Variants in ZNF557 observed in about 807,000 individuals in gnomAD.
ZNF557 encodes the protein CTB-25J19.9.
In ZNF557, 19 loss-of-function variants were observed where a neutral mutation model predicts 21.2. The observed-to-expected ratio is 0.90, with a 90% confidence interval of 0.63 to 1.32. The LOEUF is 1.32. ZNF557 is among the 40% of genes most tolerant of loss of function. ZNF557 has a pLI of 0.00. For missense variants in ZNF557, 487 were observed against 519.8 expected (o/e 0.94, Z 0.61); for synonymous variants, 207 against 194.8 (o/e 1.06, Z -0.52).
At position 7,083,807 on chromosome 19, in the gene ZNF557, C is replaced by CT. The variant is rs1231092433; in HGVS notation, c.*64dup. The CT allele has an allele frequency of 1.2e-5, 19 of 1,524,286 alleles. No homozygotes were observed. The highest frequency in any genetic ancestry group is 5.3e-5 in the South Asian group (4 of 75,526). The allele number at this position is 1,524,286 out of a possible 1,614,324, so 94.4% of individuals were successfully genotyped here. ...ATGCCTCAGATAACATGAGCAAACT[C>CT]TAACAAGATGTATGAATCACCTGCT... On this transcript the variant is annotated 3_prime_UTR_variant, in exon 8 of 8. Coordinates refer to ENST00000252840, the MANE Select transcript of ZNF557 (RefSeq NM_024341.3).
intron 5 of ZNF557, among the ~76,000 whole-genome samples, 184 bp from the exon 6 acceptor site, chr19:7,081,150 GGTGTGTGTGTGTGTGTGTGTGTGTGT>G (rs531191945): frequency 7.2e-5 from 10 of 139,102 alleles, no homozygotes; most frequent in South Asian, 2.4e-4. Flanking sequence ...TTGCTTGTGG[GGTGTGTGTGTGTGTGTGTGTGTGTGT>G]GTGTGTGTGT....
At chr19:7,075,851 T>C (rs959002639) in intron 4 of ZNF557, 108 bp downstream of exon 4, 3 of 1,522,892 alleles carry the variant, frequency 2.0e-6, no homozygotes, top group Non-Finnish European at 8.9e-7. Flanking sequence ...TCCTCAGGCA[T>C]CCCAGGGTCT....
At chr19:7,077,985 T>C (rs141199817) in intron 5 of ZNF557, among the ~76,000 whole-genome samples, 28 of 152,194 alleles carry the variant, frequency 1.8e-4, no homozygotes, top group African/African-American at 6.0e-4. Flanking sequence ...CTTTTTCCAT[T>C]TGGGGGGCAT....
At chr19:7,069,979 G>T (rs1380807760) in intron 1 of ZNF557, among the ~76,000 whole-genome samples, 1 of 152,232 alleles carries the variant, frequency 6.6e-6, no homozygotes, top group Non-Finnish European at 1.5e-5. Context: ...CGCCCCAGGG[G>T]ACTTTTGGCT....
chr19:7,079,439 A>G (rs977244956), intron 5 of ZNF557, among the ~76,000 whole-genome samples: 130 of 118,194 alleles, frequency 1.1e-3, no homozygotes, highest in Admixed American at 2.9e-3. Flanking sequence ...GACAGGGTTC[A>G]CCGTGTTAGC....
chr19:7,080,487 A>G (rs953999864), intron 5 of ZNF557, among the ~76,000 whole-genome samples: 20 of 152,152 alleles, frequency 1.3e-4, no homozygotes, highest in Non-Finnish European at 2.4e-4. Flanking sequence ...TCCAGCTTCC[A>G]TAGGTGTAGC....
At chr19:7,073,880 C>G (rs555588657) in intron 2 of ZNF557, among the ~76,000 whole-genome samples, 3 of 152,252 alleles carry the variant, frequency 2.0e-5, no homozygotes, top group African/African-American at 7.2e-5. Context: ...CCATGAATAG[C>G]CAGCACCGTC....
rs763524851 is a variant in ZNF557 at position 7,083,556 on chromosome 19, A to T, written c.1105A>T (p.Ile369Leu). ...NSFSLTIHRR[I>L]HNGEKSYECS... ...CTTTTCTCTTACAATTCACAGGAGA[A>T]TACATAATGGAGAGAAATCCTATGA... Residue 369 changes from isoleucine to leucine, a missense_variant, in exon 8 of 8, where the codon ATA becomes TTA. Physicochemically the swap from Ile to Leu is conservative, Grantham distance 5. Coordinates refer to ENST00000252840, the MANE Select transcript of ZNF557 (RefSeq NM_024341.3). 6.2e-7 allele frequency: 1 copy of T among 1,614,230 alleles called. No homozygotes were observed. Among genetic ancestry groups the T allele is most frequent in the African/African-American group, 1.3e-5 (1 of 75,068 alleles).
intron 2 of ZNF557, among the ~76,000 whole-genome samples, chr19:7,072,883 T>G (rs572737464): frequency 6.8e-4 from 104 of 152,210 alleles, no homozygotes; most frequent in African/African-American, 2.4e-3. Flanking sequence ...AGCACCCAGC[T>G]GGGGGCAGGT....
chr19:7,082,440 A>AAAAAAAG (rs1977731730), intron 7 of ZNF557, among the ~76,000 whole-genome samples: 1 of 150,686 alleles, frequency 6.6e-6, no homozygotes. Flanking sequence ...AAAAAAAAAA[A>AAAAAAAG]GTGGCTTTAT....
In ZNF557 at chr19:7,083,388, A is replaced by G. The variant is rs752387515; in HGVS notation, c.937A>G (p.Ile313Val). ...GTCATCTCTTTCTTCGCACTATAGC[A>G]TTCATACAGGGGAGTACCCTTACGA... ...TRSSLSSHYS[I>V]HTGEYPYECH... The change falls in exon 8 of 8, where the codon ATT becomes GTT. Residue 313 changes from isoleucine to valine, a missense_variant. Transcript: ENST00000252840. The G allele has an allele frequency of 2.5e-6, 4 of 1,614,108 alleles. No individual in the cohort carries two copies. The highest frequency in any genetic ancestry group is 1.7e-5 in the Admixed American group (1 of 60,000).
At position 7,081,985 on chromosome 19, in the gene ZNF557, T is replaced by C; in HGVS notation, c.359T>C (p.Phe120Ser). Residue 120 changes from phenylalanine to serine, a missense_variant, in exon 7 of 8, where the codon TTT becomes TCT. By Grantham distance (155) the Phe-to-Ser change is radical. Transcript: ENST00000252840. ...CTTGTTTCAGATGTGGAGAATCCAT[T>C]TAAAGCCAAAGGGTTAACTCCTAAG... ...SGTCPDVENP[F>S]KAKGLTPKLH... 1 of 1,613,888 alleles carries C rather than the reference T, an allele frequency of 6.2e-7. No homozygotes were observed. The highest frequency in any genetic ancestry group is 8.5e-7 in the Non-Finnish European group (1 of 1,179,806).
In ZNF557 at chr19:7,083,134, G is replaced by C. The variant is rs1350886985; in HGVS notation, c.683G>C (p.Arg228Thr). 1 of 1,614,198 alleles carries C rather than the reference G, an allele frequency of 6.2e-7. No homozygotes were observed. The highest frequency in any genetic ancestry group is 8.5e-7 in the Non-Finnish European group (1 of 1,180,028). ...AGATCTTACCTTACTGTTCATAAGAGAATCCACAATGGGGAGAAACCCTAC... is the reference window on the plus strand; with the variant it reads ...AGATCTTACCTTACTGTTCATAAGACAATCCACAATGGGGAGAAACCCTAC... Reference protein sequence around the residue: ...SSRSYLTVHKRIHNGEKPYEC... With the variant: ...SSRSYLTVHKTIHNGEKPYEC... The change falls in exon 8 of 8, where the codon AGA becomes ACA. Residue 228 changes from arginine (R) to threonine (T), a missense_variant. Arg to Thr is a moderately conservative substitution (Grantham distance 71). Transcript: ENST00000252840.
chr19:7,082,132 T>G, intron 7 of ZNF557, 80 bp downstream of exon 7: 1 of 1,160,078 alleles, frequency 8.6e-7, no homozygotes, highest in East Asian at 2.4e-5. Context: ...ACTGGCCTTG[T>G]TGGCCAGGCA....
At chr19:7,074,931 T>A in intron 2 of ZNF557, 65 bp from the exon 3 acceptor site, 3 of 1,311,282 alleles carry the variant, frequency 2.3e-6, no homozygotes, top group Non-Finnish European at 3.1e-6. Context: ...GGAGACGGGG[T>A]GACCGACGCA....
rs1977722213 is a variant in ZNF557 at position 7,082,151 on chromosome 19, C to CA, written c.426+100dup. ...GCCTTGTTGGCCAGGCACAGTGGCT[C>CA]ATGCCTTTAATCCCAGCACCTTGGG... On this transcript the variant is annotated intron_variant, in intron 7 of 7. Coordinates refer to ENST00000252840, the MANE Select transcript of ZNF557 (RefSeq NM_024341.3). 7 of 923,568 alleles carry CA rather than the reference C, an allele frequency of 7.6e-6. No homozygotes were observed. The East Asian group carries it at 1.8e-4, about 24-fold the overall frequency. 57.2% of individuals were successfully genotyped at this position (923,568 alleles called of 1,614,324 possible).
At chr19:7,078,657 C>T (rs1330913835) in intron 5 of ZNF557, among the ~76,000 whole-genome samples, 1 of 152,030 alleles carries the variant, frequency 6.6e-6, no homozygotes, top group Non-Finnish European at 1.5e-5. Flanking sequence ...GTCTCGAACT[C>T]CTGACCTCAG....
chr19:7,081,277 C>A (rs1977699144), intron 5 of ZNF557, 83 bp from the exon 6 acceptor site: 1 of 891,146 alleles, frequency 1.1e-6, no homozygotes, highest in Non-Finnish European at 1.8e-6. Flanking sequence ...CACCTCTTCA[C>A]CTTCAGAACT....
rs71177149 is a variant in ZNF557, at chr19:7,074,331, T to TAC, written c.-79-639_-79-638dup. Among the ~76,000 whole-genome samples, 308 of 150,142 alleles carry TAC rather than the reference T, an allele frequency of 2.1e-3. 1 individual carries two copies. The highest frequency in any genetic ancestry group is 3.6e-3 in the African/African-American group (148 of 40,768). On this transcript the variant is annotated intron_variant, in intron 2 of 7. Transcript: ENST00000252840. ...AGCCGCTTTCATCTTTGTGTGTATATACACACACACACACACACACACACA... is the reference window on the plus strand; with the variant it reads ...AGCCGCTTTCATCTTTGTGTGTATATACACACACACACACACACACACACACA...
Sources: gnomAD v4.1 joint callset for allele counts (sites outside exome capture counted in the v4.1 genomes callset) on GRCh38, gnomAD v4.1.1 for gene constraint, MANE v1.5 for transcripts, NCBI Gene and HGNC (gene_info 2026-07-23, HGNC 2026-07-21) for gene names.